TTC6: variants seen among roughly 807,000 people sequenced by gnomAD.
TTC6 encodes tetratricopeptide repeat protein 6.
TTC6 carries 172 observed loss-of-function variants against 210.4 expected under a neutral mutation model. The ratio of observed to expected loss-of-function variants is 0.82; its 90% CI spans 0.72 to 0.93. The LOEUF (loss-of-function observed/expected upper bound fraction) is 0.93, where lower values mean the gene tolerates loss of function less well. TTC6 is among the 40% of genes least tolerant of loss of function. The pLI, the probability that TTC6 is intolerant of heterozygous loss-of-function variation, is 0.00. For synonymous variants in TTC6, 804 were observed against 819.6 expected, an observed-to-expected ratio of 0.98 and a Z score of 0.32; for missense variants, 2,414 against 2,318.1, an observed-to-expected ratio of 1.04 and a Z score of -0.85.
At chr14:37,782,278 T>C (rs538173051) in intron 14 of TTC6, among the ~76,000 whole-genome samples, 1 of 152,328 alleles carries the variant, frequency 6.6e-6, no homozygotes, top group East Asian at 1.9e-4. Context: ...GTTCTTCCAT[T>C]TGTTTGTATC....
intron 8 of TTC6, among the ~76,000 whole-genome samples, chr14:37,736,717 A>G (rs1035041020): frequency 2.5e-4 from 38 of 152,118 alleles, no homozygotes; most frequent in African/African-American, 8.5e-4. Context: ...ATGGGGTACA[A>G]TTAGGACATG....
At chr14:37,771,888 TAG>T (rs1168229283) in intron 14 of TTC6, among the ~76,000 whole-genome samples, 1 of 152,196 alleles carries the variant, frequency 6.6e-6, no homozygotes, top group Non-Finnish European at 1.5e-5. Flanking sequence ...CTCTGCTTTT[TAG>T]AGTTTCCAGT....
intron 3 of TTC6, among the ~76,000 whole-genome samples, chr14:37,687,311 G>T (rs2095795869): frequency 6.6e-6 from 1 of 152,132 alleles, no homozygotes; most frequent in Admixed American, 6.5e-5. Context: ...AGGAATAGCT[G>T]ATCTCAGTGT....
exon 14 of TTC6, chr14:37,753,216 C>A: frequency 6.5e-7 from 1 of 1,530,554 alleles, no homozygotes. Flanking sequence ...AAATATAGAT[C>A]ACCAAAATTC....
At chr14:37,651,407 ATATATATATATATATATATTTTTTT>A (rs2095711393) in intron 1 of TTC6, among the ~76,000 whole-genome samples, 1 of 16,862 alleles carries the variant, frequency 5.9e-5, no homozygotes, top group African/African-American at 2.7e-4. Context: ...ATATATATAT[ATATATATATATATATATATTTTTTT>A]TTTTTTTTTT....
chr14:37,676,967 A>T lies in TTC6; in HGVS notation c.940-3184A>T, dbSNP rs142625591. ...ACACTGTTTTGATTATTGTAGTTTG[A>T]TAGTAAATTTTGAAATAGGGAAGTG... On this transcript the variant is annotated intron_variant, in intron 1 of 30. Transcript: ENST00000553443. Among the ~76,000 whole-genome samples the T allele has an allele frequency of 2.6e-3, 388 of 152,062 alleles. 2 individuals carry two copies. Among genetic ancestry groups the T allele is most frequent in the African/African-American group, 8.9e-3 (371 of 41,504 alleles).
chr14:37,622,235 C>T, exon 1 of TTC6: 1 of 1,535,426 alleles, frequency 6.5e-7, no homozygotes. Flanking sequence ...TCCATGCCCC[C>T]GGCCCGGCCC....
At chr14:37,765,802 A>T (rs1326034822) in intron 14 of TTC6, among the ~76,000 whole-genome samples, 2 of 151,994 alleles carry the variant, frequency 1.3e-5, no homozygotes, top group Non-Finnish European at 2.9e-5. Context: ...TTTGAAGGCT[A>T]GTTTGCCAGG....
chr14:37,618,882 C>T (rs1318415765), upstream of TTC6, among the ~76,000 whole-genome samples: 1 of 152,146 alleles, frequency 6.6e-6, no homozygotes, highest in Admixed American at 6.5e-5. Flanking sequence ...AAAGCAGGAA[C>T]TAAGAAATAA....
At chr14:37,716,447 A>G (rs554338026) in intron 6 of TTC6, among the ~76,000 whole-genome samples, 69 of 152,176 alleles carry the variant, frequency 4.5e-4, no homozygotes, top group African/African-American at 1.6e-3. Flanking sequence ...CAAGAAACAA[A>G]TTTAAAACAT....
chr14:37,686,013 G>A (rs2095793019), intron 3 of TTC6, among the ~76,000 whole-genome samples: 1 of 152,128 alleles, frequency 6.6e-6, no homozygotes, highest in Non-Finnish European at 1.5e-5. Context: ...AGCCATGGAA[G>A]ACTAACCTCA....
At chr14:37,704,430 C>G (rs1057477651) in intron 5 of TTC6, among the ~76,000 whole-genome samples, 1 of 152,072 alleles carries the variant, frequency 6.6e-6, no homozygotes, top group Admixed American at 6.6e-5. Flanking sequence ...TCCTTACACC[C>G]TTGTCAAACT....
chr14:37,778,440 A>G (rs953837827), intron 14 of TTC6, among the ~76,000 whole-genome samples: 3 of 149,436 alleles, frequency 2.0e-5, no homozygotes, highest in South Asian at 2.1e-4. Context: ...TGCACCAACA[A>G]TGGTGGCCCA....
exon 21 of TTC6, chr14:37,804,748 A>C: frequency 6.2e-7 from 1 of 1,614,212 alleles, no homozygotes; most frequent in Non-Finnish European, 8.5e-7. Context: ...CAGATGCCAC[A>C]GCAATTTCAG....
At chr14:37,713,122 A>G (rs1309244862) in intron 5 of TTC6, among the ~76,000 whole-genome samples, 22 of 152,212 alleles carry the variant, frequency 1.4e-4, no homozygotes, top group Non-Finnish European at 1.5e-5. Context: ...CTCTGGAGCC[A>G]CACTGTGTCT....
At chr14:37,835,832 T>A (rs1367732155) in intron 29 of TTC6, among the ~76,000 whole-genome samples, 2 of 152,302 alleles carry the variant, frequency 1.3e-5, no homozygotes, top group African/African-American at 4.8e-5. Context: ...TGTATATAAT[T>A]CTCTCTATAC....
At position 37,804,034 on chromosome 14, in the gene TTC6, TTAA is replaced by T. The variant is rs369476872; in HGVS notation, c.4030-644_4030-642del. 1.6e-4 allele frequency among the ~76,000 whole-genome samples: 24 copies of T among 152,346 alleles called. No individual in the cohort carries two copies. The South Asian group carries it at 5.0e-3, about 32-fold the overall frequency. ...TTAAATGGCATTTCTATCTTTTTCA[TTAA>T]TGAGACATTTGACTTTTTCATTTAA... On this transcript the variant is annotated intron_variant, in intron 20 of 30. Transcript: ENST00000553443.
intron 2 of TTC6, among the ~76,000 whole-genome samples, chr14:37,612,599 G>C (rs1303476557): frequency 6.6e-6 from 1 of 152,152 alleles, no homozygotes; most frequent in East Asian, 1.9e-4. Flanking sequence ...GTGATTTTAA[G>C]AATATTGAGT....
At chr14:37,597,110 A>C (rs2139196640) in intron 1 of TTC6, among the ~76,000 whole-genome samples, 1 of 152,126 alleles carries the variant, frequency 6.6e-6, no homozygotes, top group Middle Eastern at 3.4e-3. Context: ...TAGGGCAGGA[A>C]CCCTCCCTAA....
Sources: gnomAD v4.1 joint callset for allele counts (sites outside exome capture counted in the v4.1 genomes callset) on GRCh38, gnomAD v4.1.1 for gene constraint, MANE v1.5 for transcripts, NCBI Gene and HGNC (gene_info 2026-07-23, HGNC 2026-07-21) for gene names.